Variants in CACNA1E observed in about 807,000 individuals in gnomAD.
The protein encoded by CACNA1E is calcium voltage-gated channel subunit alpha1 E.
A neutral mutation model predicts 259.2 loss-of-function variants in CACNA1E; 40 were observed. The ratio of observed to expected loss-of-function variants is 0.15; its 90% confidence interval spans 0.12 to 0.20. The LOEUF is 0.20. Among genes scored for constraint, CACNA1E ranks in the 10% least tolerant of loss-of-function variants. CACNA1E has a pLI of 1.00. For synonymous variants in CACNA1E, 1,104 were observed against 1,138.5 expected (o/e 0.97, Z 0.61); for missense variants, 1,874 against 3,040.1 (o/e 0.62, Z 9.02).
chr1:181,623,305 A>G (rs1002739785), intron 6 of CACNA1E, among the ~76,000 whole-genome samples: 13 of 152,242 alleles, frequency 8.5e-5, no homozygotes, highest in Admixed American at 8.5e-4. Flanking sequence ...GTACACATAT[A>G]CATAACAAAA....
In CACNA1E at chr1:181,806,711, AAAAG is replaced by A. The variant is rs1466843052; in HGVS notation, c.*7883_*7886del. ...ATCCAAAAGGAAAACCATTAAAAAT[AAAAG>A]AAAGATGAAAAACTTTAATGTTTTG... On this transcript the variant is annotated 3_prime_UTR_variant, in exon 48 of 48. Coordinates refer to ENST00000367573, the MANE Select transcript of CACNA1E (RefSeq NM_001205293.3). 3 of 152,364 alleles carry A rather than the reference AAAAG, an allele frequency of 2.0e-5. No individual in the cohort carries two copies. The highest frequency in any genetic ancestry group is 7.2e-5 in the African/African-American group (3 of 41,574). 9.4% of individuals were successfully genotyped at this position (152,364 alleles called of 1,614,324 possible). A position where few individuals can be genotyped will look rare whatever the true frequency, so the allele number is the denominator to read the frequency against.
rs78231578 is a variant in CACNA1E at position 181,716,102 on chromosome 1, G to T, written c.1288G>T (p.Glu430Ter). Residue 430 changes from glutamate to a stop codon, truncating the protein, a stop_gained, in exon 10 of 48, where the codon GAG becomes TAG. Transcript: ENST00000367573. LOFTEE classifies it high-confidence loss of function. ...TEAMTRDSSDEHCVDISSVGT... is the reference protein window; with the variant it reads ...TEAMTRDSSD The stretch of plus-strand genomic sequence containing the variant: ...GGCCATGACTCGAGACTCCAGTGAT[G>T]AGCACTGTGTTGATATCTCCTCTGT... The T allele has an allele frequency of 6.4e-7, 1 of 1,570,038 alleles. No homozygotes were observed.
chr1:181,333,320 T>C (rs899326178), intron 1 of CACNA1E, among the ~76,000 whole-genome samples: 1 of 152,164 alleles, frequency 6.6e-6, no homozygotes. Context: ...TCTGTGCCCA[T>C]CTTCTGGGGT....
intron 6 of CACNA1E, among the ~76,000 whole-genome samples, chr1:181,593,926 A>G (rs1218637797): frequency 6.6e-6 from 1 of 152,222 alleles, no homozygotes; most frequent in African/African-American, 2.4e-5. Flanking sequence ...AGCCCATGAG[A>G]GAGTCTATAC....
chr1:181,718,317 C>T (rs999171676), intron 12 of CACNA1E, 150 bp downstream of exon 12: 28 of 569,574 alleles, frequency 4.9e-5, no homozygotes, highest in Admixed American at 2.0e-4. Context: ...AATTCAGAAG[C>T]GAGTGAATCC....
At chr1:181,417,893 C>T (rs632999) in intron 2 of CACNA1E, among the ~76,000 whole-genome samples, 7,006 of 152,234 alleles carry the variant, frequency 0.046, 237 homozygotes, top group African/African-American at 0.088. Flanking sequence ...TGTGGACTGA[C>T]CACCCCTCAA....
Position 181,379,898 on chromosome 1 carries a change from T to G in CACNA1E, c.-14-33235T>G, listed in dbSNP as rs922892540. Among the ~76,000 whole-genome samples the G allele has an allele frequency of 3.3e-5, 5 of 151,332 alleles. No individual in the cohort carries two copies. In the East Asian group the frequency reaches 9.6e-4, roughly 29 times the overall value. ...GGTAAGGATGACAGCAGATTTCTTT[T>G]GGAAACAATGCAAATGGGAAGTCAG... On this transcript the variant is annotated intron_variant, in intron 1 of 11. Transcript: ENST00000524607.
At chr1:181,714,659 A>C (rs938278801) in intron 8 of CACNA1E, among the ~76,000 whole-genome samples, 10 of 152,180 alleles carry the variant, frequency 6.6e-5, no homozygotes. Flanking sequence ...TTTCATTAGC[A>C]TATGAAAGAC....
At chr1:181,513,335 A>G (rs1255397795) in intron 3 of CACNA1E, among the ~76,000 whole-genome samples, 1 of 152,206 alleles carries the variant, frequency 6.6e-6, no homozygotes, top group Non-Finnish European at 1.5e-5. Context: ...TCTTCCCAAT[A>G]TAGTATGAGC....
intron 7 of CACNA1E, among the ~76,000 whole-genome samples, chr1:181,657,872 T>C (rs1659333922): frequency 6.6e-6 from 1 of 152,380 alleles, no homozygotes; most frequent in South Asian, 2.1e-4. Flanking sequence ...AGTGAGTGTT[T>C]GTTGGCATTC....
intron 3 of CACNA1E, among the ~76,000 whole-genome samples, chr1:181,548,735 A>T (rs376260740): frequency 2.0e-5 from 3 of 152,222 alleles, no homozygotes; most frequent in Admixed American, 6.5e-5. Flanking sequence ...AGGGTTTGGG[A>T]TGGTTTCCAG....
chr1:181,359,710 G>A (rs533826302), intron 1 of CACNA1E, among the ~76,000 whole-genome samples: 5 of 152,260 alleles, frequency 3.3e-5, no homozygotes, highest in Non-Finnish European at 5.9e-5. Context: ...TCTCTGAGAC[G>A]TTTCTAAGAT....
intron 1 of CACNA1E, among the ~76,000 whole-genome samples, chr1:181,380,158 A>G (rs780750209): frequency 1.1e-4 from 16 of 151,876 alleles, no homozygotes; most frequent in Non-Finnish European, 4.4e-5. Context: ...AAAAGAAGGC[A>G]GAAAAAGAGG....
intron 7 of CACNA1E, among the ~76,000 whole-genome samples, chr1:181,710,552 T>C (rs1047675783): frequency 4.0e-5 from 6 of 151,568 alleles, no homozygotes; most frequent in Admixed American, 2.7e-4. Flanking sequence ...CACATCATAA[T>C]TGGTCAATAT....
At chr1:181,369,551 G>A (rs1378160060) in intron 1 of CACNA1E, among the ~76,000 whole-genome samples, 1 of 152,184 alleles carries the variant, frequency 6.6e-6, no homozygotes, top group Non-Finnish European at 1.5e-5. Context: ...GGTGGGGACC[G>A]CATACCAGGA....
chr1:181,658,637 G>A (rs528962473), intron 7 of CACNA1E, among the ~76,000 whole-genome samples: 17 of 152,242 alleles, frequency 1.1e-4, no homozygotes, highest in South Asian at 6.2e-4. Flanking sequence ...TCCAGCTGTC[G>A]GGCCATGGGC....
intron 1 of CACNA1E, among the ~76,000 whole-genome samples, chr1:181,391,105 C>A (rs928403639): frequency 6.6e-6 from 1 of 152,186 alleles, no homozygotes; most frequent in East Asian, 1.9e-4. Context: ...GAGCTCAACG[C>A]TCTCAATTTT....
At chr1:181,686,469 A>G (rs542023189) in intron 7 of CACNA1E, among the ~76,000 whole-genome samples, 1 of 151,714 alleles carries the variant, frequency 6.6e-6, no homozygotes, top group Non-Finnish European at 1.5e-5. Flanking sequence ...TGTTTTTAGT[A>G]GAGATGGGGT....
chr1:181,770,883 C>T (rs1659444130), intron 35 of CACNA1E, among the ~76,000 whole-genome samples: 1 of 152,170 alleles, frequency 6.6e-6, no homozygotes, highest in Admixed American at 6.5e-5. Flanking sequence ...CCCATCATGA[C>T]TACCTGAGAC....
Sources: allele counts gnomAD v4.1 joint callset (sites outside exome capture counted in the v4.1 genomes callset), GRCh38; gene constraint gnomAD v4.1.1; transcripts MANE v1.5; gene names NCBI Gene and HGNC (gene_info 2026-07-23, HGNC 2026-07-21).